Variants in STK17B observed in about 807,000 individuals in gnomAD.
STK17B encodes the protein serine/threonine-protein kinase 17B.
STK17B carries 21 observed loss-of-function variants against 42.0 expected under a neutral mutation model. That is an observed-to-expected ratio of 0.50 (90% CI 0.35 to 0.72). The LOEUF (loss-of-function observed/expected upper bound fraction) is 0.72, where lower values mean the gene tolerates loss of function less well. Among genes scored for constraint, STK17B ranks in the 30% least tolerant of loss-of-function variants. STK17B has a pLI of 0.00. For synonymous variants in STK17B, 143 were observed against 148.4 expected, an observed-to-expected ratio of 0.96 and a Z score of 0.26; for missense variants, 349 against 446.0, an observed-to-expected ratio of 0.78 and a Z score of 1.96.
chr2:196,145,801 G>C, intron 4 of STK17B, 110 bp downstream of exon 4: 1 of 1,121,606 alleles, frequency 8.9e-7, no homozygotes, highest in Non-Finnish European at 1.2e-6. Context: ...GTGCAGTCTA[G>C]AAGACCAGGA....
At chr2:196,141,541 C>T (rs1699493808) in intron 5 of STK17B, among the ~76,000 whole-genome samples, 1 of 152,136 alleles carries the variant, frequency 6.6e-6, no homozygotes, top group Non-Finnish European at 1.5e-5. Flanking sequence ...TGCCTGTAAT[C>T]CCAGCTACTC....
upstream of STK17B, among the ~76,000 whole-genome samples, chr2:196,174,587 G>T (rs1699981675): frequency 1.3e-5 from 2 of 152,178 alleles, 1 homozygote; most frequent in Admixed American, 1.3e-4. Flanking sequence ...CCAGACGCAG[G>T]CAAGGCCAAC....
In STK17B at chr2:196,137,293, A is replaced by G. The variant is rs562353637; in HGVS notation, c.*154T>C. On this transcript the variant is annotated 3_prime_UTR_variant, in exon 8 of 8. Transcript: ENST00000263955. Reference sequence around the variant, plus strand: ...GATATGAAATCATAACATGCTAGCAACTAGTAATTTAACATTAAAACACTT... The same window carrying G: ...GATATGAAATCATAACATGCTAGCAGCTAGTAATTTAACATTAAAACACTT... The G allele has an allele frequency of 4.1e-6, 3 of 736,000 alleles. No individual in the cohort carries two copies. The East Asian group carries it at 8.4e-5, about 21-fold the overall frequency. 45.6% of individuals were successfully genotyped at this position (736,000 alleles called of 1,614,324 possible). A position where few individuals can be genotyped will look rare whatever the true frequency, so the allele number is the denominator to read the frequency against.
chr2:196,164,577 T>TA (rs1699854402), intron 1 of STK17B, among the ~76,000 whole-genome samples: 1 of 152,236 alleles, frequency 6.6e-6, no homozygotes, highest in East Asian at 1.9e-4. Flanking sequence ...CCTCCTGTAG[T>TA]AACCCGCTAA....
chr2:196,153,269 A>C lies in STK17B; in HGVS notation c.335+3170T>G, dbSNP rs576997281. ...AAAACAATGTCCAAAAAAAAAAAAC[A>C]GTTGTACTAAGTAGTTTGCTGTTGG... On this transcript the variant is annotated intron_variant, in intron 3 of 7. Transcript: ENST00000263955. 1.2e-3 allele frequency: 183 copies of C among 151,612 alleles called. 1 individual carries two copies. The highest frequency in any genetic ancestry group is 4.2e-3 in the African/African-American group (172 of 41,308). The allele number at this position is 151,612 out of a possible 1,614,324, so 9.4% of individuals were successfully genotyped here.
Position 196,163,298 on chromosome 2 carries a change from T to C in STK17B, c.86A>G (p.Asn29Ser), listed in dbSNP as rs1252581057. The C allele has an allele frequency of 2.5e-6, 4 of 1,608,326 alleles. No homozygotes were observed. In the South Asian group the frequency reaches 4.4e-5, roughly 18 times the overall value. The change falls in exon 2 of 8, where the codon AAT becomes AGT. Residue 29 changes from asparagine to serine, a missense_variant. Asn to Ser is a conservative substitution (Grantham distance 46). Coordinates refer to ENST00000263955, the MANE Select transcript of STK17B (RefSeq NM_004226.4). ...TTTAGATGTAAGTATATAGAAATTA[T>C]TAAAGTTTTCCATTTTTATTGGAAT... ...PQIPIKMENF[N>S]NFYILTSKEL... is the part of the protein sequence containing the mutation.
chr2:196,167,284 T>C (rs998246855), intron 1 of STK17B, among the ~76,000 whole-genome samples: 8 of 152,218 alleles, frequency 5.3e-5, no homozygotes, highest in African/African-American at 2.4e-5. Flanking sequence ...GTTCAGTGTT[T>C]AAAGGGCAGC....
At chr2:196,172,612 C>T (rs1444457080), upstream of STK17B, among the ~76,000 whole-genome samples, 1 of 152,170 alleles carries the variant, frequency 6.6e-6, no homozygotes, top group African/African-American at 2.4e-5. Context: ...TAGCTGTTTC[C>T]CTTTCCTACT....
intron 5 of STK17B, among the ~76,000 whole-genome samples, chr2:196,142,105 A>G (rs544104473): frequency 2.6e-5 from 4 of 152,166 alleles, no homozygotes; most frequent in African/African-American, 9.6e-5. Context: ...CCCAGGCTGG[A>G]GTACAAATGG....
intron 4 of STK17B, among the ~76,000 whole-genome samples, chr2:196,145,479 C>T (rs757567120): frequency 2.0e-5 from 3 of 152,062 alleles, no homozygotes; most frequent in Non-Finnish European, 4.4e-5. Context: ...AGCCAAAAGA[C>T]TGAAAACCTC....
rs756540392 is a variant in STK17B, at chr2:196,141,214, C to A, written c.656+35G>T. The A allele has an allele frequency of 5.2e-6, 8 of 1,551,790 alleles. No individual in the cohort carries two copies. The South Asian group carries it at 8.0e-5, about 16-fold the overall frequency. On this transcript the variant is annotated intron_variant, in intron 6 of 7. Transcript: ENST00000263955. Reference sequence around the variant, plus strand: ...CCAGAATATACGTTTCCCAACTTTCCATAAAGATGTTTAAGGTAACTAACA... The same window carrying A: ...CCAGAATATACGTTTCCCAACTTTCAATAAAGATGTTTAAGGTAACTAACA...
intron 3 of STK17B, among the ~76,000 whole-genome samples, chr2:196,152,138 G>T (rs191984600): frequency 7.0e-6 from 1 of 143,776 alleles, no homozygotes; most frequent in Non-Finnish European, 1.5e-5. Context: ...ACGAAGTCTC[G>T]CTCTATTGCC....
chr2:196,148,119 G>A (rs561869838), intron 3 of STK17B, among the ~76,000 whole-genome samples: 1 of 152,226 alleles, frequency 6.6e-6, no homozygotes, highest in African/African-American at 2.4e-5. Flanking sequence ...TTATAGTAGT[G>A]AACTCCAAAA....
chr2:196,172,871 G>C (rs937828761), upstream of STK17B, among the ~76,000 whole-genome samples: 14 of 152,098 alleles, frequency 9.2e-5, no homozygotes, highest in Admixed American at 8.5e-4. Flanking sequence ...ATAAGAATCC[G>C]TAAGCAATGA....
At chr2:196,175,489 G>C (rs1699989478), upstream of STK17B, among the ~76,000 whole-genome samples, 1 of 152,152 alleles carries the variant, frequency 6.6e-6, no homozygotes, top group Non-Finnish European at 1.5e-5. Context: ...AGCCAGGCAT[G>C]GTGGCAGGTT....
At chr2:196,169,270 T>A (rs988530959) in intron 1 of STK17B, among the ~76,000 whole-genome samples, 1 of 151,982 alleles carries the variant, frequency 6.6e-6, no homozygotes, top group African/African-American at 2.4e-5. Flanking sequence ...GACACGGGGT[T>A]TCACCATATT....
At chr2:196,147,297 G>C (rs1040694998) in intron 3 of STK17B, among the ~76,000 whole-genome samples, 1 of 91,552 alleles carries the variant, frequency 1.1e-5, no homozygotes, top group African/African-American at 3.7e-5. Flanking sequence ...ACCACATCAA[G>C]AACAGTATCT....
intron 1 of STK17B, among the ~76,000 whole-genome samples, chr2:196,170,305 A>C (rs1189255846): frequency 6.6e-6 from 1 of 152,204 alleles, no homozygotes; most frequent in Admixed American, 6.5e-5. Context: ...GAAAACGTAA[A>C]GTGGCCACAC....
At position 196,156,514 on chromosome 2, in the gene STK17B, G is replaced by C; in HGVS notation, c.260C>G (p.Ala87Gly). 1 of 1,614,004 alleles carries C rather than the reference G, an allele frequency of 6.2e-7. No individual in the cohort carries two copies. Among genetic ancestry groups the C allele is most frequent in the East Asian group, 2.2e-5 (1 of 44,852 alleles). The change falls in exon 3 of 8, where the codon GCA becomes GGA. Residue 87 changes from alanine (A) to glycine (G), a missense_variant. Ala to Gly is a moderately conservative substitution (Grantham distance 60). Around this residue, in one of 3 missense-constraint regions of STK17B, gnomAD observed 256 missense variants for 347.7 expected, o/e 0.74. Coordinates refer to ENST00000263955, the MANE Select transcript of STK17B (RefSeq NM_004226.4). ...ILHEIAVLELAKSCPRVINLH... is the reference protein window; with the variant it reads ...ILHEIAVLELGKSCPRVINLH... ...ATTAATAACACGGGGACAAGACTTT[G>C]CCAATTCAAGCACAGCAATCTCGTG...
Sources: allele counts gnomAD v4.1 joint callset (sites outside exome capture counted in the v4.1 genomes callset), GRCh38; gene constraint gnomAD v4.1.1; regional missense constraint gnomAD v4.1.1; transcripts MANE v1.5; gene names NCBI Gene and HGNC (gene_info 2026-07-23, HGNC 2026-07-21).